G2E3: variants seen among roughly 807,000 people sequenced by gnomAD.
G2E3 encodes the protein G2/M-phase specific E3 ubiquitin protein ligase.
Under a neutral mutation model 92.8 loss-of-function variants are expected in G2E3, and 35 were observed. The observed-to-expected ratio is 0.38, with a 90% CI of 0.29 to 0.50. The LOEUF (loss-of-function observed/expected upper bound fraction) is 0.50, where lower values mean the gene tolerates loss of function less well. Among genes scored for constraint, G2E3 ranks in the 20% least tolerant of loss-of-function variants. G2E3 has a pLI of 0.94. For missense variants in G2E3, 554 were observed against 823.8 expected (o/e 0.67, Z 4.01); for synonymous variants, 242 against 272.4 (o/e 0.89, Z 1.10).
At chr14:30,609,651 A>G (rs1444345097) in intron 12 of G2E3, among the ~76,000 whole-genome samples, 1 of 152,214 alleles carries the variant, frequency 6.6e-6, no homozygotes, top group African/African-American at 2.4e-5. Context: ...TTATATACAG[A>G]TAAGACCTGG....
At chr14:30,588,645 G>C (rs1196178944) in intron 3 of G2E3, among the ~76,000 whole-genome samples, 1 of 152,144 alleles carries the variant, frequency 6.6e-6, no homozygotes, top group African/African-American at 2.4e-5. Flanking sequence ...AGCGGAAAGA[G>C]ACTTAGATAT....
chr14:30,591,773 A>G (rs1444473188), intron 4 of G2E3, among the ~76,000 whole-genome samples: 2 of 152,148 alleles, frequency 1.3e-5, no homozygotes, highest in African/African-American at 4.8e-5. Flanking sequence ...ATCTGCAAAG[A>G]CCGTATTTCC....
intron 12 of G2E3, among the ~76,000 whole-genome samples, chr14:30,608,348 C>T (rs931427392): frequency 1.3e-5 from 2 of 152,174 alleles, no homozygotes; most frequent in East Asian, 3.8e-4. Context: ...CTCAGAAATA[C>T]ATGGATTTGC....
intron 6 of G2E3, among the ~76,000 whole-genome samples, chr14:30,594,478 A>G (rs981975774): frequency 6.6e-6 from 1 of 151,854 alleles, no homozygotes; most frequent in African/African-American, 2.4e-5. Context: ...TCACGAGGTC[A>G]GGAGATCAAG....
At chr14:30,576,402 A>G (rs1010529019) in intron 1 of G2E3, among the ~76,000 whole-genome samples, 2 of 152,250 alleles carry the variant, frequency 1.3e-5, no homozygotes, top group Non-Finnish European at 2.9e-5. Flanking sequence ...TGTAAAACCC[A>G]AAACTATAAA....
chr14:30,595,833 G>T (rs1410362165), intron 6 of G2E3, among the ~76,000 whole-genome samples: 2 of 152,068 alleles, frequency 1.3e-5, no homozygotes, highest in Non-Finnish European at 2.9e-5. Flanking sequence ...TGGGATTTTG[G>T]GAGAAGAGAC....
intron 4 of G2E3, chr14:30,591,010 T>C (rs575684637): frequency 5.0e-6 from 1 of 198,038 alleles, no homozygotes; most frequent in African/African-American, 2.4e-5. Flanking sequence ...TTGAGCATCA[T>C]GTTGGCACTC....
At chr14:30,600,060 G>A (rs1422133159) in intron 8 of G2E3, among the ~76,000 whole-genome samples, 2 of 152,176 alleles carry the variant, frequency 1.3e-5, no homozygotes, top group Admixed American at 6.5e-5. Flanking sequence ...TAAGATGTAG[G>A]ATAAGTAACA....
At chr14:30,603,275 A>G (rs935083379) in intron 10 of G2E3, among the ~76,000 whole-genome samples, 1 of 151,592 alleles carries the variant, frequency 6.6e-6, no homozygotes, top group African/African-American at 2.4e-5. Context: ...GCAGTCAGCC[A>G]AGGTCGCGCC....
chr14:30,612,503 TA>T (rs1399578214), intron 13 of G2E3, 124 bp downstream of exon 13: 1 of 620,110 alleles, frequency 1.6e-6, no homozygotes, highest in East Asian at 2.9e-5. Flanking sequence ...ATTTAAATGC[TA>T]TTTTTAAATA....
chr14:30,564,768 G>A (rs1879333711), intron 1 of G2E3, among the ~76,000 whole-genome samples: 1 of 152,000 alleles, frequency 6.6e-6, no homozygotes. Flanking sequence ...TGTTTTCAAG[G>A]TTATCTATGT....
At chr14:30,598,456 A>G in intron 7 of G2E3, 27 bp from the exon 8 acceptor site, 1 of 1,336,138 alleles carries the variant, frequency 7.5e-7, no homozygotes, top group Non-Finnish European at 1.1e-6. Flanking sequence ...TTATAGGTCA[A>G]AGCATATTTT....
chr14:30,610,992 C>T (rs1882062054), intron 12 of G2E3, among the ~76,000 whole-genome samples: 1 of 152,082 alleles, frequency 6.6e-6, no homozygotes, highest in Non-Finnish European at 1.5e-5. Flanking sequence ...TACAGATGGC[C>T]CTCTGTTTTC....
Position 30,617,356 on chromosome 14 carries a change from A to G in G2E3, c.*822A>G, listed in dbSNP as rs1245715618. 6.6e-6 allele frequency: 1 copy of G among 152,088 alleles called. No homozygotes were observed. Among genetic ancestry groups the G allele is most frequent in the Non-Finnish European group, 1.5e-5 (1 of 67,970 alleles). 9.4% of individuals were successfully genotyped at this position (152,088 alleles called of 1,614,324 possible). ...TAACATTTAGTTGAAAATACCTAAG[A>G]AAGTGTGTCTTCTTTAAAGCCTTGG... On this transcript the variant is annotated 3_prime_UTR_variant, in exon 15 of 15. Coordinates refer to ENST00000206595, the MANE Select transcript of G2E3 (RefSeq NM_017769.5).
chr14:30,593,586 A>G lies in G2E3; in HGVS notation c.475A>G (p.Ile159Val), dbSNP rs2138856159. ...TATTGAGCCTATTCCAAGTTATAAC[A>G]TATTACGAAGTCCTTGTTGTAAGAA... ...EFIEPIPSYN[I>V]LRSPCCKNAW... The change falls in exon 6 of 15, where the codon ATA becomes GTA. Residue 159 changes from isoleucine (I) to valine (V), a missense_variant. Physicochemically the swap from Ile to Val is conservative, Grantham distance 29 (BLOSUM62 3). Around this residue, in one of 3 missense-constraint regions of G2E3, gnomAD observed 137 missense variants for 201.3 expected, o/e 0.68. Coordinates refer to ENST00000206595, the MANE Select transcript of G2E3 (RefSeq NM_017769.5). 2 of 1,606,550 alleles carry G rather than the reference A, an allele frequency of 1.2e-6. No individual in the cohort carries two copies. Among genetic ancestry groups the G allele is most frequent in the Non-Finnish European group, 1.7e-6 (2 of 1,173,484 alleles).
At chr14:30,594,269 A>G (rs184020536) in intron 6 of G2E3, among the ~76,000 whole-genome samples, 2 of 152,358 alleles carry the variant, frequency 1.3e-5, no homozygotes, top group African/African-American at 2.4e-5. Flanking sequence ...AACATCAAAT[A>G]TGTAATATGT....
intron 1 of G2E3, among the ~76,000 whole-genome samples, chr14:30,572,553 A>G (rs978223312): frequency 6.6e-6 from 1 of 152,062 alleles, no homozygotes; most frequent in African/African-American, 2.4e-5. Flanking sequence ...TTTGTCCTAC[A>G]GTTTTATCAT....
chr14:30,607,829 A>G (rs1881902197), intron 11 of G2E3, 59 bp from the exon 12 acceptor site: 6 of 870,174 alleles, frequency 6.9e-6, no homozygotes, highest in African/African-American at 3.5e-5. Flanking sequence ...AATATAAAAA[A>G]TGATGGTTAT....
intron 1 of G2E3, 28 bp from the exon 2 acceptor site, chr14:30,581,048 A>T: frequency 8.1e-7 from 1 of 1,229,788 alleles, no homozygotes; most frequent in Non-Finnish European, 1.2e-6. Flanking sequence ...TACAATTAAG[A>T]TGACTGTATT....
Sources: allele counts gnomAD v4.1 joint callset (sites outside exome capture counted in the v4.1 genomes callset), GRCh38; gene constraint gnomAD v4.1.1; regional missense constraint gnomAD v4.1.1; transcripts MANE v1.5; gene names NCBI Gene and HGNC (gene_info 2026-07-23, HGNC 2026-07-21).